C1orf105: variants seen among roughly 807,000 people sequenced by gnomAD.
C1orf105 encodes uncharacterized protein C1orf105.
A neutral mutation model predicts 20.8 loss-of-function variants in C1orf105; 17 were observed. The observed-to-expected ratio is 0.82, with a 90% CI of 0.56 to 1.23. The LOEUF is 1.23. Among genes scored for constraint, C1orf105 ranks in the 50% most tolerant of loss-of-function variants. The pLI, the probability that C1orf105 is intolerant of heterozygous loss-of-function variation, is 0.00. For synonymous variants in C1orf105, 72 were observed against 72.1 expected (o/e 1.00, Z 0.01); for missense variants, 219 against 213.5 (o/e 1.03, Z -0.16).
chr1:172,429,374 T>C (rs1414583331), intron 1 of C1orf105, among the ~76,000 whole-genome samples: 1 of 152,202 alleles, frequency 6.6e-6, no homozygotes, highest in Non-Finnish European at 1.5e-5. Flanking sequence ...CCTCCTGAAT[T>C]TATGGAGACC....
intron 3 of C1orf105, among the ~76,000 whole-genome samples, chr1:172,450,164 G>T (rs981433785): frequency 1.3e-5 from 2 of 152,304 alleles, no homozygotes; most frequent in Admixed American, 1.3e-4. Flanking sequence ...CCAGTTTCCC[G>T]GCTGACCCGT....
intron 1 of C1orf105, chr1:172,430,206 TAA>T (rs200979934): frequency 0.22 from 137,919 of 616,666 alleles, 16,745 homozygotes; most frequent in East Asian, 0.39. Context: ...GGTTTAAATA[TAA>T]GAGACTGACT....
At chr1:172,455,729 G>A (rs1187407317) in intron 3 of C1orf105, among the ~76,000 whole-genome samples, 1 of 152,152 alleles carries the variant, frequency 6.6e-6, no homozygotes, top group Non-Finnish European at 1.5e-5. Context: ...TTCCTCCACT[G>A]ATTGCTTCTT....
At chr1:172,432,469 A>G (rs778777392) in intron 1 of C1orf105, among the ~76,000 whole-genome samples, 7 of 152,230 alleles carry the variant, frequency 4.6e-5, no homozygotes, top group Non-Finnish European at 1.0e-4. Context: ...TAACCAGGCA[A>G]ACAGGGTCTG....
At chr1:172,460,577 AAT>A (rs1204404561) in intron 4 of C1orf105, among the ~76,000 whole-genome samples, 34 of 151,918 alleles carry the variant, frequency 2.2e-4, no homozygotes, top group African/African-American at 7.5e-4. Flanking sequence ...TATATTAAAA[AAT>A]AGTTTCAAAA....
intron 5 of C1orf105, among the ~76,000 whole-genome samples, chr1:172,464,095 G>A (rs1183197991): frequency 3.3e-5 from 5 of 152,172 alleles, no homozygotes; most frequent in African/African-American, 1.2e-4. Flanking sequence ...TATAGCCATT[G>A]CAGGAATTAA....
At chr1:172,434,555 T>A (rs1371404255) in intron 1 of C1orf105, among the ~76,000 whole-genome samples, 2 of 152,128 alleles carry the variant, frequency 1.3e-5, no homozygotes, top group Non-Finnish European at 2.9e-5. Context: ...TTGAAACCAA[T>A]GAGAACAAAG....
intron 1 of C1orf105, among the ~76,000 whole-genome samples, chr1:172,434,656 A>G (rs953945177): frequency 1.3e-5 from 2 of 152,238 alleles, no homozygotes; most frequent in African/African-American, 4.8e-5. Flanking sequence ...AGCAGGAAAG[A>G]TCTAAAATCA....
chr1:172,450,014 T>A (rs544371187), intron 3 of C1orf105, among the ~76,000 whole-genome samples: 2 of 152,312 alleles, frequency 1.3e-5, no homozygotes, highest in South Asian at 4.1e-4. Context: ...GGAAAGCCAA[T>A]GCTAACGACC....
At chr1:172,424,403 T>C (rs9425313) in intron 1 of C1orf105, among the ~76,000 whole-genome samples, 29,332 of 152,182 alleles carry the variant, frequency 0.19, 3,194 homozygotes, top group East Asian at 0.36. Flanking sequence ...TTTTATTTTG[T>C]TTTTTGAGAT....
At chr1:172,426,285 T>C (rs920375112) in intron 1 of C1orf105, among the ~76,000 whole-genome samples, 1 of 152,192 alleles carries the variant, frequency 6.6e-6, no homozygotes, top group African/African-American at 2.4e-5. Flanking sequence ...ATCCTCATTT[T>C]TTGTTTTGTT....
At chr1:172,448,938 C>T (rs1241747572) in intron 3 of C1orf105, among the ~76,000 whole-genome samples, 3 of 152,184 alleles carry the variant, frequency 2.0e-5, no homozygotes, top group Non-Finnish European at 2.9e-5. Context: ...CCTCATTTCC[C>T]CTCCACCATG....
chr1:172,457,562 C>T (rs1407192116), intron 4 of C1orf105, among the ~76,000 whole-genome samples: 1 of 152,200 alleles, frequency 6.6e-6, no homozygotes, highest in Non-Finnish European at 1.5e-5. Context: ...ATTAGGGTCA[C>T]TGTGTTAAAT....
chr1:172,439,596 A>T (rs73046884), intron 1 of C1orf105, among the ~76,000 whole-genome samples: 3 of 152,046 alleles, frequency 2.0e-5, no homozygotes, highest in African/African-American at 7.3e-5. Context: ...AATACTATAC[A>T]GTGTGACAGG....
At chr1:172,434,367 A>G (rs1272931576) in intron 1 of C1orf105, among the ~76,000 whole-genome samples, 2 of 152,208 alleles carry the variant, frequency 1.3e-5, no homozygotes, top group Non-Finnish European at 2.9e-5. Context: ...AGCACTCCTC[A>G]GCAAATGTAA....
chr1:172,462,361 C>T (rs1649761677), intron 5 of C1orf105, 116 bp downstream of exon 5: 6 of 715,880 alleles, frequency 8.4e-6, no homozygotes, highest in South Asian at 4.6e-5. Context: ...AGGGAACAGG[C>T]TTCTTGACTG....
chr1:172,435,184 A>T (rs889851140), intron 1 of C1orf105, among the ~76,000 whole-genome samples: 1 of 152,236 alleles, frequency 6.6e-6, no homozygotes, highest in Non-Finnish European at 1.5e-5. Flanking sequence ...AGGAGCTGGT[A>T]CCATTCCTTC....
intron 1 of C1orf105, among the ~76,000 whole-genome samples, chr1:172,440,786 T>A (rs184579385): frequency 3.0e-4 from 45 of 152,360 alleles, no homozygotes; most frequent in Non-Finnish European, 5.3e-4. Flanking sequence ...ACAAGTCAGA[T>A]TTCATATTAA....
chr1:172,460,089 T>C (rs2149189946), intron 4 of C1orf105, among the ~76,000 whole-genome samples: 1 of 152,278 alleles, frequency 6.6e-6, no homozygotes, highest in East Asian at 1.9e-4. Flanking sequence ...GGTTTCTTTT[T>C]GGGGTCATGA....
Sources: allele counts gnomAD v4.1 joint callset (sites outside exome capture counted in the v4.1 genomes callset), GRCh38; gene constraint gnomAD v4.1.1; transcripts MANE v1.5; gene names NCBI Gene and HGNC (gene_info 2026-07-23, HGNC 2026-07-21).